APCDD1L: variants seen among roughly 807,000 people sequenced by gnomAD.
The protein encoded by APCDD1L is APC down-regulated 1 like.
APCDD1L carries 21 observed loss-of-function variants against 24.2 expected under a neutral mutation model. That is an observed-to-expected ratio of 0.87 (90% CI 0.61 to 1.25). APCDD1L has a LOEUF of 1.25. Among genes scored for constraint, APCDD1L ranks in the 50% most tolerant of loss-of-function variants. The pLI is 0.00. For missense variants in APCDD1L, 704 were observed against 711.7 expected (o/e 0.99, Z 0.12); for synonymous variants, 321 against 323.6 (o/e 0.99, Z 0.09).
chr20:58,483,254 T>C (rs1170027304), intron 1 of APCDD1L, among the ~76,000 whole-genome samples: 1 of 151,940 alleles, frequency 6.6e-6, no homozygotes, highest in African/African-American at 2.4e-5. Flanking sequence ...TGGGGAGAGC[T>C]AGAGAAGCAC....
Position 58,514,947 on chromosome 20 carries a change from C to G in APCDD1L, c.-240G>C. On this transcript the variant is annotated 5_prime_UTR_variant, in exon 1 of 4. Transcript: ENST00000371149. ...CTTGCCAGAAGAGGTGGAGACAGCC[C>G]CCGGCGAGGCGCGCACACCCGCGCA... is the stretch of plus-strand genomic sequence containing the variant. The G allele has an allele frequency of 2.8e-6, 1 of 363,518 alleles. No individual in the cohort carries two copies. The highest frequency in any genetic ancestry group is 7.2e-4 in the Middle Eastern group (1 of 1,382). The allele number at this position is 363,518 out of a possible 1,614,324, so 22.5% of individuals were successfully genotyped here.
chr20:58,468,501 C>CAG (rs113986879), intron 2 of APCDD1L, among the ~76,000 whole-genome samples: 3,685 of 152,032 alleles, frequency 0.024, 146 homozygotes, highest in African/African-American at 0.08. Flanking sequence ...TGGATGAAGT[C>CAG]GGGGGAAAAA....
intron 1 of APCDD1L, among the ~76,000 whole-genome samples, chr20:58,480,206 GC>G (rs1313918123): frequency 6.6e-6 from 1 of 152,136 alleles, no homozygotes; most frequent in African/African-American, 2.4e-5. Flanking sequence ...GAAATTATAT[GC>G]TCTAAACAAA....
At position 58,494,639 on chromosome 20, in the gene APCDD1L, G is replaced by A. The variant is rs908024159; in HGVS notation, c.49+20020C>T. Among the ~76,000 whole-genome samples, 1 of 152,124 alleles carries A rather than the reference G, an allele frequency of 6.6e-6. No individual in the cohort carries two copies. The highest frequency in any genetic ancestry group is 2.4e-5 in the African/African-American group (1 of 41,428). ...TAGGTGTGAGCCACTGTGCCTGGCT[G>A]TCAACTGTGTTTCAAAGTATACATA... On this transcript the variant is annotated intron_variant, in intron 1 of 3. Transcript: ENST00000371149. The surrounding 1 kb of genome is among the most constrained non-coding windows in gnomAD (Gnocchi z 4.8).
chr20:58,478,587 G>A (rs1163288332), intron 1 of APCDD1L, among the ~76,000 whole-genome samples: 1 of 152,136 alleles, frequency 6.6e-6, no homozygotes, highest in African/African-American at 2.4e-5. Flanking sequence ...GTTAAGTCAT[G>A]GAAAGTGCTT....
intron 1 of APCDD1L, among the ~76,000 whole-genome samples, chr20:58,513,254 C>T (rs1990665514): frequency 6.6e-6 from 1 of 152,192 alleles, no homozygotes; most frequent in Admixed American, 6.5e-5. Flanking sequence ...CAGCTGGCCC[C>T]CTTGTCACCC....
Position 58,460,857 on chromosome 20 carries a change from C to A in APCDD1L, c.1439G>T (p.Gly480Val), listed in dbSNP as rs1201764108. 6.4e-7 allele frequency: 1 copy of A among 1,569,540 alleles called. No individual in the cohort carries two copies. The highest frequency in any genetic ancestry group is 8.7e-7 in the Non-Finnish European group (1 of 1,155,934). Residue 480 changes from glycine (G) to valine (V), a missense_variant, in exon 4 of 4, where the codon GGT becomes GTT. Coordinates refer to ENST00000371149, the MANE Select transcript of APCDD1L (RefSeq NM_153360.3). The surrounding 1 kb of genome is among the most constrained non-coding windows in gnomAD (Gnocchi z 4.2). The stretch of plus-strand genomic sequence containing the variant: ...AAGTGGGAAGGGGGCTATGTGAAGA[C>A]CCCCTGTGCTGGGGTGCTTCTGCAG... ...PSLQKHPSTG[G>V]LHIAPFPLLP...
Position 58,467,135 on chromosome 20 carries a change from C to T in APCDD1L, c.712G>A (p.Gly238Ser), listed in dbSNP as rs1258008384. 5.6e-6 allele frequency: 9 copies of T among 1,608,014 alleles called. No homozygotes were observed. The highest frequency in any genetic ancestry group is 7.6e-6 in the Non-Finnish European group (9 of 1,179,452). The change falls in exon 3 of 4, where the codon GGC becomes AGC. Residue 238 changes from glycine (G) to serine (S), a missense_variant. By Grantham distance (56) the Gly-to-Ser change is moderately conservative. Transcript: ENST00000371149. This position sits in a 1 kb window ranked among gnomAD's most constrained non-coding sequence, Gnocchi z 5.9. ...GCGCTCTGCAGCGGGCGCTGGTAGC[C>T]CGTGGGCCGGTAGTGCCGCCTCTCC... is the stretch of plus-strand genomic sequence containing the variant. ...PAERRHYRPT[G>S]YQRPLQSALH...
chr20:58,490,472 C>T (rs190574270), intron 1 of APCDD1L, among the ~76,000 whole-genome samples: 13 of 152,304 alleles, frequency 8.5e-5, no homozygotes, highest in Admixed American at 7.2e-4. Context: ...ACCTCGCTAG[C>T]GAGAACTTAA....
intron 1 of APCDD1L, among the ~76,000 whole-genome samples, chr20:58,483,408 G>C (rs1392835330): frequency 1.3e-5 from 2 of 152,152 alleles, no homozygotes; most frequent in Non-Finnish European, 2.9e-5. Flanking sequence ...TGCCTCCTGG[G>C]TGGCACTGCC....
At position 58,512,917 on chromosome 20, in the gene APCDD1L, C is replaced by A. The variant is rs1204312592; in HGVS notation, c.49+1742G>T. Reference sequence around the variant, plus strand: ...CCCCCTCTCTCGTCAGGCCCCCGGGCACTCTTGGCTTCTCTGCTGTTGAAT... The same window carrying A: ...CCCCCTCTCTCGTCAGGCCCCCGGGAACTCTTGGCTTCTCTGCTGTTGAAT... On this transcript the variant is annotated intron_variant, in intron 1 of 3. Transcript: ENST00000371149. 3.3e-5 allele frequency among the ~76,000 whole-genome samples: 5 copies of A among 152,116 alleles called. No individual in the cohort carries two copies. In the East Asian group the frequency reaches 9.7e-4, roughly 29 times the overall value.
At chr20:58,488,626 A>G (rs1294698974) in intron 1 of APCDD1L, among the ~76,000 whole-genome samples, 3 of 152,242 alleles carry the variant, frequency 2.0e-5, no homozygotes, top group Non-Finnish European at 4.4e-5. Flanking sequence ...TCAGGCATCA[A>G]TGGAGAAATC....
intron 1 of APCDD1L, among the ~76,000 whole-genome samples, chr20:58,510,260 C>T (rs560942564): frequency 6.6e-5 from 10 of 152,334 alleles, no homozygotes; most frequent in African/African-American, 2.4e-4. Flanking sequence ...GCACCTCACA[C>T]CAGTGTGTGG....
At chr20:58,511,404 G>A (rs1350642307) in intron 1 of APCDD1L, among the ~76,000 whole-genome samples, 1 of 152,086 alleles carries the variant, frequency 6.6e-6, no homozygotes, top group African/African-American at 2.4e-5. Context: ...TTTTATCAGG[G>A]GCTCATTCTG....
chr20:58,470,612 G>C lies in APCDD1L; in HGVS notation c.185C>G (p.Thr62Arg). The C allele has an allele frequency of 1.3e-6, 2 of 1,587,506 alleles. No homozygotes were observed. The highest frequency in any genetic ancestry group is 1.2e-5 in the South Asian group (1 of 86,514). Residue 62 changes from threonine (T) to arginine (R), a missense_variant, in exon 2 of 4, where the codon ACA (threonine) becomes AGA (arginine). Thr to Arg is a moderately conservative substitution (Grantham distance 71). Coordinates refer to ENST00000371149, the MANE Select transcript of APCDD1L (RefSeq NM_153360.3). ...TCAGGATGACCTGAAGTCTTACCCT[G>C]TGGAGATCCAAGGTCCATTAAGGCG... ...PPRLNGPWIS[T>R]GCEVRPGPEF...
chr20:58,489,366 C>A (rs1346681959), intron 1 of APCDD1L, among the ~76,000 whole-genome samples: 7 of 150,138 alleles, frequency 4.7e-5, no homozygotes, highest in Non-Finnish European at 1.0e-4. Context: ...TGGAGAAAAC[C>A]CATCTCTACA....
In APCDD1L at chr20:58,463,898, G is replaced by A. The variant is rs1171632924; in HGVS notation, c.742-2344C>T. Among the ~76,000 whole-genome samples the A allele has an allele frequency of 1.4e-5, 2 of 139,684 alleles. 1 individual carries two copies. Among genetic ancestry groups the A allele is most frequent in the Admixed American group, 1.4e-4 (2 of 14,134 alleles). The allele number at this position is 139,684 out of a possible 152,430, so 91.6% of individuals were successfully genotyped here. A position where few individuals can be genotyped will look rare whatever the true frequency, so the allele number is the denominator to read the frequency against. On this transcript the variant is annotated intron_variant, in intron 3 of 3. Coordinates refer to ENST00000371149, the MANE Select transcript of APCDD1L (RefSeq NM_153360.3). ...TGATTGAGAACAGTTTTTTTTTGGG[G>A]GGGGGGGGCGTCACATTTTATAAGC...
rs916884639 is a variant in APCDD1L, at chr20:58,515,382, C to A, written c.-675G>T. ...TCACCCGCTCCCCACCACACCCAAA[C>A]GCATCTAGGCAAAGTGTGGACCCGA... On this transcript the variant is annotated 5_prime_UTR_variant, in exon 1 of 4. Transcript: ENST00000371149. 1 of 362,400 alleles carries A rather than the reference C, an allele frequency of 2.8e-6. No homozygotes were observed. Among genetic ancestry groups the A allele is most frequent in the Non-Finnish European group, 4.9e-6 (1 of 203,872 alleles). The allele number at this position is 362,400 out of a possible 1,614,324, so 22.4% of individuals were successfully genotyped here.
intron 3 of APCDD1L, among the ~76,000 whole-genome samples, chr20:58,466,893 T>C (rs1270990310): frequency 1.3e-5 from 2 of 152,108 alleles, no homozygotes; most frequent in African/African-American, 2.4e-5. Flanking sequence ...CCCGCCAGCC[T>C]TGTAAAGGCT....
Sources: gnomAD v4.1 joint callset for allele counts (sites outside exome capture counted in the v4.1 genomes callset) on GRCh38, gnomAD v4.1.1 for gene constraint, Gnocchi (gnomAD v3.1) non-coding constraint, MANE v1.5 for transcripts, NCBI Gene and HGNC (gene_info 2026-07-23, HGNC 2026-07-21) for gene names.